Variants in ZNF501 observed in about 807,000 individuals in gnomAD.
ZNF501 encodes zinc finger protein 501, also known as zinc finger protein 52.
A neutral mutation model predicts 5.7 loss-of-function variants in ZNF501; 7 were observed. The observed-to-expected ratio is 1.24, with a 90% CI of 0.70 to 2.32. The LOEUF (loss-of-function observed/expected upper bound fraction) is 2.32. ZNF501 is among the 30% of genes most tolerant of loss of function. The pLI is 0.00. For missense variants in ZNF501, 352 were observed against 321.1 expected (o/e 1.10, Z -0.73); for synonymous variants, 107 against 101.9 (o/e 1.05, Z -0.30).
Position 44,734,569 on chromosome 3 carries a change from T to C in ZNF501, c.148T>C (p.Tyr50His), listed in dbSNP as rs1341042800. The C allele has an allele frequency of 1.2e-6, 2 of 1,614,188 alleles. No individual in the cohort carries two copies. The highest frequency in any genetic ancestry group is 1.7e-6 in the Non-Finnish European group (2 of 1,180,024). The stretch of plus-strand genomic sequence containing the variant: ...GAGGATTCACAGAGGAGAGAAGCCC[T>C]ATGTGTGCAGTGAATGTGGAAGTTG... ...HQRIHRGEKPYVCSECGSCFR... is the reference protein window; with the variant it reads ...HQRIHRGEKPHVCSECGSCFR... Residue 50 changes from tyrosine (Y) to histidine (H), a missense_variant, in exon 3 of 3, where the codon TAT becomes CAT. Tyr to His is a moderately conservative substitution (Grantham distance 83, BLOSUM62 2). Transcript: ENST00000620116.
At position 44,734,746 on chromosome 3, in the gene ZNF501, A is replaced by T; in HGVS notation, c.325A>T (p.Asn109Tyr). 6.2e-7 allele frequency: 1 copy of T among 1,614,086 alleles called. No homozygotes were observed. The highest frequency in any genetic ancestry group is 8.5e-7 in the Non-Finnish European group (1 of 1,180,000). The part of the protein sequence containing the change: ...IHTGEKPYKC[N>Y]ECGKAFCQSP... ...TACTGGAGAGAAACCCTATAAATGC[A>T]ATGAATGTGGAAAAGCCTTTTGTCA... is the stretch of plus-strand genomic sequence containing the variant. The change falls in exon 3 of 3, where the codon AAT becomes TAT. Residue 109 changes from asparagine to tyrosine, a missense_variant. By Grantham distance (143) the Asn-to-Tyr change is moderately radical. Coordinates refer to ENST00000620116, the MANE Select transcript of ZNF501 (RefSeq NM_001258280.2).
At position 44,734,834 on chromosome 3, in the gene ZNF501, A is replaced by G; in HGVS notation, c.413A>G (p.Glu138Gly). Residue 138 changes from glutamate (E) to glycine (G), a missense_variant, in exon 3 of 3, where the codon GAA becomes GGA. Physicochemically the swap from Glu to Gly is moderately conservative, Grantham distance 98 (BLOSUM62 -2). Transcript: ENST00000620116. ...HTGEKPYKCT[E>G]CGKAFSQSIC... ...GGAGAGAAACCATATAAATGTACAG[A>G]ATGTGGCAAAGCCTTCAGTCAGAGC... is the stretch of plus-strand genomic sequence containing the variant. 1 of 1,613,930 alleles carries G rather than the reference A, an allele frequency of 6.2e-7. No homozygotes were observed. The highest frequency in any genetic ancestry group is 8.5e-7 in the Non-Finnish European group (1 of 1,180,012).
In ZNF501 at chr3:44,735,407, T is replaced by C; in HGVS notation, c.*170T>C. 1 of 596,972 alleles carries C rather than the reference T, an allele frequency of 1.7e-6. No individual in the cohort carries two copies. 37.0% of individuals were successfully genotyped at this position (596,972 alleles called of 1,614,324 possible). On this transcript the variant is annotated 3_prime_UTR_variant, in exon 3 of 3. Transcript: ENST00000620116. ...GTCTGGAGTTTGATGCCTTATCTGC[T>C]GCTCAGTGGGTGTAACCTTATCCCT...
At position 44,734,520 on chromosome 3, in the gene ZNF501, G is replaced by C. The variant is rs775353287; in HGVS notation, c.99G>C (p.Gln33His). 20 of 1,614,040 alleles carry C rather than the reference G, an allele frequency of 1.2e-5. No individual in the cohort carries two copies. The Admixed American group carries it at 1.8e-4, about 15-fold the overall frequency. Residue 33 changes from glutamine to histidine, a missense_variant, in exon 3 of 3, where the codon CAG becomes CAC. Transcript: ENST00000620116. ...KCSECGKFFT[Q>H]RSSLTQHQRI... ...GTGAATGTGGGAAGTTCTTTACTCA[G>C]AGATCATCTCTTACCCAGCACCAGA... is the stretch of plus-strand genomic sequence containing the variant.
At chr3:44,730,514 A>G in intron 1 of ZNF501, among the ~76,000 whole-genome samples, 1 of 152,248 alleles carries the variant, frequency 6.6e-6, no homozygotes, top group South Asian at 2.1e-4. Flanking sequence ...GGCTTATTTG[A>G]CCAAATGAGG....
chr3:44,732,119 CTG>C (rs996290968), intron 2 of ZNF501: 1 of 152,144 alleles, frequency 6.6e-6, no homozygotes. Flanking sequence ...TATGGGAACT[CTG>C]TGAAGAGAAT....
rs771763202 is a variant in ZNF501, at chr3:44,735,266, T to C, written c.*29T>C. 2.0e-6 allele frequency: 3 copies of C among 1,506,686 alleles called. No individual in the cohort carries two copies. In the Admixed American group the frequency reaches 6.7e-5, roughly 34 times the overall value. The allele number at this position is 1,506,686 out of a possible 1,614,324, so 93.3% of individuals were successfully genotyped here. A position where few individuals can be genotyped will look rare whatever the true frequency, so the allele number is the denominator to read the frequency against. On this transcript the variant is annotated 3_prime_UTR_variant, in exon 3 of 3. Transcript: ENST00000620116. Reference sequence around the variant, plus strand: ...TTGGAATATAATGAGTATGGGAAGATTTGTATGGAAGCACCTTTTTTTTCT... The same window carrying C: ...TTGGAATATAATGAGTATGGGAAGACTTGTATGGAAGCACCTTTTTTTTCT...
At chr3:44,731,029 A>G (rs530080839) in intron 1 of ZNF501, among the ~76,000 whole-genome samples, 1 of 152,376 alleles carries the variant, frequency 6.6e-6, no homozygotes, top group Admixed American at 6.5e-5. Context: ...TAAGAAATGG[A>G]TGAGACTGAG....
At position 44,736,121 on chromosome 3, in the gene ZNF501, T is replaced by A. The variant is rs2125875022; in HGVS notation, c.*884T>A. On this transcript the variant is annotated 3_prime_UTR_variant, in exon 3 of 3. Transcript: ENST00000620116. ...CTTAAGGGAAGATGAGGGTAGAAGA[T>A]GTTAAGATCCCAGGTTCCAGCAACT... 1 of 167,114 alleles carries A rather than the reference T, an allele frequency of 6.0e-6. No individual in the cohort carries two copies. The highest frequency in any genetic ancestry group is 6.5e-5 in the Admixed American group (1 of 15,290). 10.4% of individuals were successfully genotyped at this position (167,114 alleles called of 1,614,324 possible).
At position 44,735,259 on chromosome 3, in the gene ZNF501, G is replaced by A. The variant is rs1704680467; in HGVS notation, c.*22G>A. 6.6e-7 allele frequency: 1 copy of A among 1,516,002 alleles called. No homozygotes were observed. Among genetic ancestry groups the A allele is most frequent in the African/African-American group, 1.4e-5 (1 of 71,828 alleles). 93.9% of individuals were successfully genotyped at this position (1,516,002 alleles called of 1,614,324 possible). ...GTAAAATTTGGAATATAATGAGTAT[G>A]GGAAGATTTGTATGGAAGCACCTTT... On this transcript the variant is annotated 3_prime_UTR_variant, in exon 3 of 3. Transcript: ENST00000620116.
chr3:44,730,875 C>T (rs1017076924), intron 1 of ZNF501, among the ~76,000 whole-genome samples: 1 of 152,206 alleles, frequency 6.6e-6, no homozygotes, highest in African/African-American at 2.4e-5. Context: ...AATGAATAAA[C>T]AGATTCAATC....
At position 44,735,298 on chromosome 3, in the gene ZNF501, T is replaced by C. The variant is rs1575552313; in HGVS notation, c.*61T>C. 7.3e-7 allele frequency: 1 copy of C among 1,374,836 alleles called. No individual in the cohort carries two copies. Among genetic ancestry groups the C allele is most frequent in the East Asian group, 2.3e-5 (1 of 42,912 alleles). The allele number at this position is 1,374,836 out of a possible 1,614,324, so 85.2% of individuals were successfully genotyped here. A position where few individuals can be genotyped will look rare whatever the true frequency, so the allele number is the denominator to read the frequency against. On this transcript the variant is annotated 3_prime_UTR_variant, in exon 3 of 3. Transcript: ENST00000620116. ...GGAAGCACCTTTTTTTTCTCCTAAATTCCTAGGAATGTAAGACTCAATCTG... is the reference window on the plus strand; with the variant it reads ...GGAAGCACCTTTTTTTTCTCCTAAACTCCTAGGAATGTAAGACTCAATCTG...
At position 44,736,164 on chromosome 3, in the gene ZNF501, A is replaced by G. The variant is rs960122355; in HGVS notation, c.*927A>G. 2 of 167,158 alleles carry G rather than the reference A, an allele frequency of 1.2e-5. No individual in the cohort carries two copies. 10.4% of individuals were successfully genotyped at this position (167,158 alleles called of 1,614,324 possible). ...CAGCAACTGATGCCACTGACTAACAACTAGCCACTTGTCAGAGGAAGGAGA... is the reference window on the plus strand; with the variant it reads ...CAGCAACTGATGCCACTGACTAACAGCTAGCCACTTGTCAGAGGAAGGAGA... On this transcript the variant is annotated 3_prime_UTR_variant, in exon 3 of 3. Coordinates refer to ENST00000620116, the MANE Select transcript of ZNF501 (RefSeq NM_001258280.2).
chr3:44,731,670 C>T (rs1255608624), intron 2 of ZNF501, 110 bp downstream of exon 2: 1 of 152,174 alleles, frequency 6.6e-6, no homozygotes, highest in Non-Finnish European at 1.5e-5. Context: ...AATGTGGACC[C>T]AGCAGAAAAT....
rs767582266 is a variant in ZNF501, at chr3:44,735,217, A to T, written c.796A>T (p.Arg266Trp). Residue 266 changes from arginine to tryptophan, a missense_variant, in exon 3 of 3, where the codon AGG becomes TGG. Coordinates refer to ENST00000620116, the MANE Select transcript of ZNF501 (RefSeq NM_001258280.2). ...RHSSALLRHQ[R>W]LHAGE is the part of the protein sequence containing the mutation. ...CAGTTCAGCACTTCTTCGACATCAGAGGCTTCATGCTGGAGAGTAAAATTT... is the reference window on the plus strand; with the variant it reads ...CAGTTCAGCACTTCTTCGACATCAGTGGCTTCATGCTGGAGAGTAAAATTT... The T allele has an allele frequency of 6.3e-7, 1 of 1,576,032 alleles. No individual in the cohort carries two copies. The highest frequency in any genetic ancestry group is 1.8e-5 in the Admixed American group (1 of 55,232).
In ZNF501 at chr3:44,734,372, A is replaced by G; in HGVS notation, c.-50A>G. 6.6e-7 allele frequency: 1 copy of G among 1,515,902 alleles called. No homozygotes were observed. Among genetic ancestry groups the G allele is most frequent in the Non-Finnish European group, 9.0e-7 (1 of 1,108,060 alleles). 93.9% of individuals were successfully genotyped at this position (1,515,902 alleles called of 1,614,324 possible). On this transcript the variant is annotated 5_prime_UTR_variant, in exon 3 of 3. Coordinates refer to ENST00000620116, the MANE Select transcript of ZNF501 (RefSeq NM_001258280.2). ...GAACTGTATTACTCTAATGATAATC[A>G]CCTTTGAGGAAAAAAAACTTGTAAG... is the stretch of plus-strand genomic sequence containing the variant.
rs190753654 is a variant in ZNF501 at position 44,734,767 on chromosome 3, T to A, written c.346T>A (p.Cys116Ser). ...YKCNECGKAF[C>S]QSPSLIKHQR... ...ATGCAATGAATGTGGAAAAGCCTTT[T>A]GTCAGAGCCCATCCCTTATTAAACA... The change falls in exon 3 of 3, where the codon TGT becomes AGT. Residue 116 changes from cysteine to serine, a missense_variant. Cys to Ser is a moderately radical substitution (Grantham distance 112). Coordinates refer to ENST00000620116, the MANE Select transcript of ZNF501 (RefSeq NM_001258280.2). The A allele has an allele frequency of 6.8e-6, 11 of 1,613,974 alleles. No individual in the cohort carries two copies. The highest frequency in any genetic ancestry group is 1.6e-4 in the Middle Eastern group (1 of 6,062).
intron 2 of ZNF501, 81 bp from the exon 3 acceptor site, chr3:44,734,116 T>C: frequency 4.0e-6 from 1 of 248,560 alleles, no homozygotes; most frequent in East Asian, 7.6e-5. Context: ...GGTTAGTTTT[T>C]AGTATTTGAT....
intron 1 of ZNF501, among the ~76,000 whole-genome samples, chr3:44,730,476 G>A (rs1704595692): frequency 1.3e-5 from 2 of 152,200 alleles, no homozygotes; most frequent in Admixed American, 6.5e-5. Flanking sequence ...AATATTAAAG[G>A]TTGACTGCAA....
Sources: allele counts gnomAD v4.1 joint callset (sites outside exome capture counted in the v4.1 genomes callset), GRCh38; gene constraint gnomAD v4.1.1; transcripts MANE v1.5; gene names NCBI Gene and HGNC (gene_info 2026-07-23, HGNC 2026-07-21).